The following IGDCC4 variants were observed in gnomAD, a reference collection of about 807,000 sequenced individuals.
The protein encoded by IGDCC4 is likely ortholog of mouse neighbor of Punc E11.
In IGDCC4, 72 loss-of-function variants were observed where a neutral mutation model predicts 116.6. The observed-to-expected ratio is 0.62, with a 90% CI of 0.51 to 0.75. IGDCC4 has a LOEUF of 0.75. Among genes scored for constraint, IGDCC4 ranks in the 30% least tolerant of loss-of-function variants. IGDCC4 has a pLI of 0.00. For missense variants in IGDCC4, 1,501 were observed against 1,662.4 expected, an observed-to-expected ratio of 0.90 and a Z score of 1.69; for synonymous variants, 709 against 719.9, an observed-to-expected ratio of 0.98 and a Z score of 0.24.
chr15:65,416,033 A>G (rs1338627223), intron 1 of IGDCC4, among the ~76,000 whole-genome samples: 1 of 152,020 alleles, frequency 6.6e-6, no homozygotes, highest in Non-Finnish European at 1.5e-5. Context: ...CCCCAATTTT[A>G]AAATGAGAAG....
chr15:65,411,238 GT>G lies in IGDCC4; in HGVS notation c.202del (p.Thr68ProfsTer3). On this transcript the variant is annotated frameshift_variant, in exon 2 of 20. Transcript: ENST00000352385. LOFTEE classifies it high-confidence loss of function. ...CCCATCCTTGCTCCAGGTCACCCTG[GT>G]GGGGGGTCCAGCGGCAGCAGCCCCC... Reference protein sequence around the residue: ...SLGAAAAGPPTRVTWSKDGDT... With the variant: ...SLGAAAAGPPXRVTWSKDGDT... The G allele has an allele frequency of 6.2e-7, 1 of 1,614,138 alleles. No individual in the cohort carries two copies. The highest frequency in any genetic ancestry group is 8.5e-7 in the Non-Finnish European group (1 of 1,180,016).
chr15:65,397,012 G>C (rs754685009), intron 5 of IGDCC4, 23 bp from the exon 6 acceptor site: 1 of 1,569,922 alleles, frequency 6.4e-7, no homozygotes, highest in South Asian at 1.2e-5. Context: ...AGGGAGACGC[G>C]CTGGAGGGGA....
At chr15:65,415,436 T>C (rs1459921090) in intron 1 of IGDCC4, among the ~76,000 whole-genome samples, 3 of 152,066 alleles carry the variant, frequency 2.0e-5, no homozygotes, top group African/African-American at 7.2e-5. Flanking sequence ...TGAATATTCA[T>C]GGATCAGCAG....
intron 1 of IGDCC4, 146 bp downstream of exon 1, chr15:65,422,647 C>T (rs1595799922): frequency 1.9e-6 from 1 of 519,494 alleles, no homozygotes; most frequent in Non-Finnish European, 2.9e-6. Flanking sequence ...CAGACCCCCG[C>T]GCAGGCATCG....
In IGDCC4 at chr15:65,411,184, T is replaced by A. The variant is rs1271763900; in HGVS notation, c.257A>T (p.His86Leu). The change falls in exon 2 of 20, where the codon CAC (histidine) becomes CTC (leucine). Residue 86 changes from histidine to leucine, a missense_variant. By Grantham distance (99) the His-to-Leu change is moderately conservative. Coordinates refer to ENST00000352385, the MANE Select transcript of IGDCC4 (RefSeq NM_020962.3). ...CCACAGGGAACCATTGGGCAGCAGG[T>A]GTAAGTGGTCGTGCTCCAGCAGGGT... ...GDTLLEHDHL[H>L]LLPNGSLWLS... 1.2e-6 allele frequency: 2 copies of A among 1,614,102 alleles called. No homozygotes were observed. Among genetic ancestry groups the A allele is most frequent in the East Asian group, 4.5e-5 (2 of 44,870 alleles).
At position 65,410,093 on chromosome 15, in the gene IGDCC4, C is replaced by T. The variant is rs1250080139; in HGVS notation, c.563+85G>A. ...TCAGCTTAGGTAAATGCAGCTACCTCGACTCTAAGAATCTCAGTTCTGAGC... is the reference window on the plus strand; with the variant it reads ...TCAGCTTAGGTAAATGCAGCTACCTTGACTCTAAGAATCTCAGTTCTGAGC... On this transcript the variant is annotated intron_variant, in intron 3 of 19. Coordinates refer to ENST00000352385, the MANE Select transcript of IGDCC4 (RefSeq NM_020962.3). 26 of 1,509,144 alleles carry T rather than the reference C, an allele frequency of 1.7e-5. No individual in the cohort carries two copies. In the East Asian group the frequency reaches 4.1e-4, roughly 24 times the overall value. 93.5% of individuals were successfully genotyped at this position (1,509,144 alleles called of 1,614,324 possible). A position where few individuals can be genotyped will look rare whatever the true frequency, so the allele number is the denominator to read the frequency against.
chr15:65,410,574 C>G, intron 2 of IGDCC4: 1 of 541,574 alleles, frequency 1.8e-6, no homozygotes. Flanking sequence ...AAGATGCACA[C>G]TTCTTCTGGC....
chr15:65,396,876 T>A lies in IGDCC4; in HGVS notation c.955A>T (p.Thr319Ser), dbSNP rs2062932776. 6.3e-7 allele frequency: 1 copy of A among 1,576,362 alleles called. No homozygotes were observed. Among genetic ancestry groups the A allele is most frequent in the African/African-American group, 1.3e-5 (1 of 74,356 alleles). Residue 319 changes from threonine to serine, a missense_variant, in exon 6 of 20, where the codon ACG becomes TCG. Coordinates refer to ENST00000352385, the MANE Select transcript of IGDCC4 (RefSeq NM_020962.3). ...GCGGCTGCAGTGGCGAAGTCGCGCG[T>A]GCGGGGCTTGTTGGCGCGGCAGACA... ...VYVCRANKPR[T>S]RDFATAAAEL... is the part of the protein sequence containing the mutation.
intron 4 of IGDCC4, among the ~76,000 whole-genome samples, 174 bp from the exon 5 acceptor site, chr15:65,401,120 A>G (rs2062981646): frequency 6.6e-6 from 1 of 152,156 alleles, no homozygotes; most frequent in African/African-American, 2.4e-5. Flanking sequence ...TGGACCTCTG[A>G]GCTGTTTCTT....
intron 3 of IGDCC4, among the ~76,000 whole-genome samples, chr15:65,409,075 T>A (rs1218240618): frequency 6.6e-6 from 1 of 152,170 alleles, no homozygotes; most frequent in Non-Finnish European, 1.5e-5. Context: ...GCTCAAGTGA[T>A]CCTCCTGCTT....
At chr15:65,388,057 A>C (rs2091475418) in intron 16 of IGDCC4, among the ~76,000 whole-genome samples, 1 of 152,184 alleles carries the variant, frequency 6.6e-6, no homozygotes, top group Non-Finnish European at 1.5e-5. Flanking sequence ...CAGCCTGGCC[A>C]ACATGGTGAA....
chr15:65,402,264 A>G, intron 4 of IGDCC4, 87 bp downstream of exon 4: 1 of 1,437,434 alleles, frequency 7.0e-7, no homozygotes, highest in Non-Finnish European at 9.3e-7. Context: ...CTTGAAGGCA[A>G]GGCCTGGACC....
intron 3 of IGDCC4, among the ~76,000 whole-genome samples, chr15:65,407,094 G>A (rs2140227158): frequency 6.6e-6 from 1 of 152,112 alleles, no homozygotes; most frequent in Admixed American, 6.5e-5. Context: ...CACGCAGGTC[G>A]CTGGAGTCTG....
intron 1 of IGDCC4, among the ~76,000 whole-genome samples, chr15:65,419,894 A>C (rs990544551): frequency 5.9e-4 from 90 of 152,188 alleles, no homozygotes; most frequent in African/African-American, 2.1e-3. Flanking sequence ...AGGCACAGGC[A>C]TTATCCTAAC....
Position 65,384,261 on chromosome 15 carries a change from G to C in IGDCC4, c.3501C>G (p.Ile1167Met), listed in dbSNP as rs750782943. 8.1e-6 allele frequency: 13 copies of C among 1,605,452 alleles called. No individual in the cohort carries two copies. The East Asian group carries it at 2.9e-4, about 36-fold the overall frequency. The change falls in exon 20 of 20, where the codon ATC (isoleucine) becomes ATG (methionine). Residue 1167 changes from isoleucine (I) to methionine (M), a missense_variant. Physicochemically the swap from Ile to Met is conservative, Grantham distance 10 (BLOSUM62 1). Coordinates refer to ENST00000352385, the MANE Select transcript of IGDCC4 (RefSeq NM_020962.3). The surrounding 1 kb of genome is among the most constrained non-coding windows in gnomAD (Gnocchi z 4.9). ...DPLPPEAPDLISGVGDPGQGA... is the reference protein window; with the variant it reads ...DPLPPEAPDLMSGVGDPGQGA... ...CCTGCCCTGGATCCCCAACACCCGA[G>C]ATGAGATCAGGAGCCTCTGGAGGCA... is the stretch of plus-strand genomic sequence containing the variant.
rs1248100248 is a variant in IGDCC4, at chr15:65,406,636, C to T, written c.563+3542G>A. Among the ~76,000 whole-genome samples, 4 of 152,308 alleles carry T rather than the reference C, an allele frequency of 2.6e-5. No individual in the cohort carries two copies. The South Asian group carries it at 8.3e-4, about 32-fold the overall frequency. Reference sequence around the variant, plus strand: ...TTTATGAATAGCATATTTGTGCATGCACTATATCTGGGCATGTGTAAAAAT... The same window carrying T: ...TTTATGAATAGCATATTTGTGCATGTACTATATCTGGGCATGTGTAAAAAT... On this transcript the variant is annotated intron_variant, in intron 3 of 19. Transcript: ENST00000352385.
In IGDCC4 at chr15:65,382,606, T is replaced by G. The variant is rs1224605853; in HGVS notation, c.*1403A>C. 6.6e-6 allele frequency: 1 copy of G among 152,496 alleles called. No homozygotes were observed. Among genetic ancestry groups the G allele is most frequent in the African/African-American group, 2.4e-5 (1 of 41,412 alleles). 9.4% of individuals were successfully genotyped at this position (152,496 alleles called of 1,614,324 possible). A position where few individuals can be genotyped will look rare whatever the true frequency, so the allele number is the denominator to read the frequency against. ...ACACAGAAAATAGAAGTCAAGCTTG[T>G]CCCTGTGCGGCAGGTGAACAGAAAA... On this transcript the variant is annotated 3_prime_UTR_variant, in exon 20 of 20. Coordinates refer to ENST00000352385, the MANE Select transcript of IGDCC4 (RefSeq NM_020962.3).
At chr15:65,397,398 G>C (rs1039815145) in intron 5 of IGDCC4, among the ~76,000 whole-genome samples, 5 of 152,194 alleles carry the variant, frequency 3.3e-5, no homozygotes, top group African/African-American at 1.2e-4. Flanking sequence ...TGCGCACAAA[G>C]TTTTACCTCA....
intron 1 of IGDCC4, among the ~76,000 whole-genome samples, chr15:65,420,424 G>A (rs1359870179): frequency 1.3e-5 from 2 of 152,156 alleles, no homozygotes; most frequent in Non-Finnish European, 2.9e-5. Flanking sequence ...AGGAGCTGGA[G>A]CTTCCTGCCT....
Sources: allele counts gnomAD v4.1 joint callset (sites outside exome capture counted in the v4.1 genomes callset), GRCh38; gene constraint gnomAD v4.1.1; non-coding constraint Gnocchi (gnomAD v3.1); transcripts MANE v1.5; gene names NCBI Gene and HGNC (gene_info 2026-07-23, HGNC 2026-07-21).